The following INO80 variants were observed in gnomAD, a reference collection of about 807,000 sequenced individuals.
INO80 encodes chromatin-remodeling ATPase INO80.
A neutral mutation model predicts 203.4 loss-of-function variants in INO80; 20 were observed. The observed-to-expected ratio is 0.10, with a 90% confidence interval of 0.07 to 0.14. INO80 has a LOEUF of 0.14. Ranked by LOEUF, INO80 falls within the 10% of genes least tolerant of loss-of-function variation. INO80 has a pLI of 1.00. For missense variants in INO80, 1,419 were observed against 1,914.4 expected (o/e 0.74, Z 4.83); for synonymous variants, 726 against 685.2 (o/e 1.06, Z -0.93).
In INO80 at chr15:40,999,978, G is replaced by A. The variant is rs538306438; in HGVS notation, c.3498-2377C>T. Among the ~76,000 whole-genome samples, 4 of 152,224 alleles carry A rather than the reference G, an allele frequency of 2.6e-5. No individual in the cohort carries two copies. In the South Asian group the frequency reaches 8.3e-4, roughly 32 times the overall value. ...CCAGGCATGGTGGCACACACCTGTA[G>A]ACCCAGCTACCTGGGAGGCTGAGGC... On this transcript the variant is annotated intron_variant, in intron 28 of 35. Transcript: ENST00000648947.
chr15:41,058,862 G>C, intron 15 of INO80, 81 bp from the exon 16 acceptor site: 1 of 1,373,640 alleles, frequency 7.3e-7, no homozygotes, highest in South Asian at 1.3e-5. Flanking sequence ...TGTTTTTCTA[G>C]GGCCAAAATG....
intron 1 of INO80, among the ~76,000 whole-genome samples, chr15:41,106,250 G>A (rs146074038): frequency 1.3e-5 from 2 of 152,144 alleles, no homozygotes; most frequent in East Asian, 1.9e-4. Flanking sequence ...CACACGTGGT[G>A]GCGAGCACCT....
At chr15:41,091,155 C>G (rs1039299310) in intron 5 of INO80, among the ~76,000 whole-genome samples, 2 of 152,122 alleles carry the variant, frequency 1.3e-5, no homozygotes, top group Non-Finnish European at 2.9e-5. Context: ...AACTCCTGAC[C>G]TCAGGTGATT....
intron 28 of INO80, among the ~76,000 whole-genome samples, chr15:41,003,659 T>C (rs972292593): frequency 1.3e-5 from 2 of 152,124 alleles, no homozygotes; most frequent in African/African-American, 4.8e-5. Flanking sequence ...ATTTTTCAAA[T>C]TTTTCTCAAT....
intron 24 of INO80, among the ~76,000 whole-genome samples, chr15:41,037,922 G>T (rs562325275): frequency 1.3e-5 from 2 of 150,606 alleles, no homozygotes; most frequent in Admixed American, 6.6e-5. Flanking sequence ...TAGCCTGGGC[G>T]ACAGAGTAAG....
intron 25 of INO80, chr15:41,023,298 G>C (rs935312607): frequency 6.6e-6 from 3 of 455,848 alleles, no homozygotes; most frequent in Non-Finnish European, 1.3e-5. Flanking sequence ...TATCCCAGCA[G>C]ATCGTGGGTC....
At chr15:41,022,027 A>G (rs1333054030) in intron 25 of INO80, among the ~76,000 whole-genome samples, 1 of 152,264 alleles carries the variant, frequency 6.6e-6, no homozygotes, top group Non-Finnish European at 1.5e-5. Flanking sequence ...GCCCACGCTG[A>G]CAAATATGCT....
At chr15:41,038,707 G>C (rs558135191) in intron 24 of INO80, among the ~76,000 whole-genome samples, 2 of 152,008 alleles carry the variant, frequency 1.3e-5, no homozygotes, top group African/African-American at 4.8e-5. Flanking sequence ...CATTGCTATC[G>C]GGTCTTTAGT....
At chr15:41,034,562 T>C (rs991359759) in intron 24 of INO80, among the ~76,000 whole-genome samples, 12 of 152,132 alleles carry the variant, frequency 7.9e-5, no homozygotes, top group African/African-American at 2.9e-4. Context: ...ATACAACAAA[T>C]GAAGGCGTAG....
chr15:41,110,709 G>C (rs1421916743), intron 1 of INO80, among the ~76,000 whole-genome samples: 1 of 152,154 alleles, frequency 6.6e-6, no homozygotes, highest in Non-Finnish European at 1.5e-5. Context: ...GAGATTACAG[G>C]TGTGAGCTAC....
At chr15:40,995,590 C>T (rs1321979185) in intron 29 of INO80, among the ~76,000 whole-genome samples, 1 of 152,106 alleles carries the variant, frequency 6.6e-6, no homozygotes, top group Non-Finnish European at 1.5e-5. Context: ...GAGAAACTAA[C>T]AGAGTACCAG....
At chr15:41,074,696 G>T in intron 9 of INO80, 131 bp from the exon 10 acceptor site, 2 of 623,656 alleles carry the variant, frequency 3.2e-6, no homozygotes, top group South Asian at 2.4e-5. Flanking sequence ...AAACATCACT[G>T]ATAAACAATT....
chr15:41,100,655 A>G (rs1251984916), intron 1 of INO80, among the ~76,000 whole-genome samples: 2 of 152,160 alleles, frequency 1.3e-5, no homozygotes, highest in South Asian at 2.1e-4. Flanking sequence ...TCTCCACAAG[A>G]AGTCCTATGA....
At chr15:40,994,037 A>AC (rs1343572698) in intron 29 of INO80, among the ~76,000 whole-genome samples, 1 of 152,000 alleles carries the variant, frequency 6.6e-6, no homozygotes. Flanking sequence ...ATGGCTACTA[A>AC]CCCCTATATG....
At chr15:41,082,250 C>CAAAAA (rs60486605) in intron 7 of INO80, among the ~76,000 whole-genome samples, 2 of 54,694 alleles carry the variant, frequency 3.7e-5, no homozygotes, top group Admixed American at 2.1e-4. Flanking sequence ...AACTCCGTCT[C>CAAAAA]AAAAAAAAAA....
In INO80 at chr15:40,980,165, C is replaced by T. The variant is rs1004248708; in HGVS notation, c.*58G>A. On this transcript the variant is annotated 3_prime_UTR_variant, in exon 36 of 36. Coordinates refer to ENST00000648947, the MANE Select transcript of INO80 (RefSeq NM_017553.3). ...CACGGGGCAAGCCATCCAAAGACCA[C>T]TGGCAGGTCAGGACTCTAGCCCTGG... The T allele has an allele frequency of 5.0e-6, 7 of 1,394,626 alleles. No homozygotes were observed. Among genetic ancestry groups the T allele is most frequent in the African/African-American group, 4.3e-5 (3 of 70,348 alleles). The allele number at this position is 1,394,626 out of a possible 1,614,324, so 86.4% of individuals were successfully genotyped here. A position where few individuals can be genotyped will look rare whatever the true frequency, so the allele number is the denominator to read the frequency against.
At position 40,982,847 on chromosome 15, in the gene INO80, C is replaced by T. The variant is rs772623947; in HGVS notation, c.4453+15G>A. 18 of 1,600,996 alleles carry T rather than the reference C, an allele frequency of 1.1e-5. No individual in the cohort carries two copies. The highest frequency in any genetic ancestry group is 3.3e-5 in the Admixed American group (2 of 59,732). ...TGACCAGAACAAAGTCTGCAGCCAC[C>T]CTGGGCTTCTGTACCTTTAGACACG... On this transcript the variant is annotated intron_variant, in intron 35 of 35. Transcript: ENST00000648947.
At chr15:41,044,568 A>G (rs1196440194) in intron 24 of INO80, among the ~76,000 whole-genome samples, 1 of 152,182 alleles carries the variant, frequency 6.6e-6, no homozygotes, top group Non-Finnish European at 1.5e-5. Flanking sequence ...TAGAGCTACT[A>G]AACGGAAAGG....
chr15:40,980,442 T>C lies in INO80; in HGVS notation c.4454-2A>G, dbSNP rs748249111. Reference sequence around the variant, plus strand: ...GCAGAGGACTGCTGGCGGAGATTCCTGTGGGGACGGAGAGAGACAAGAACG... The same window carrying C: ...GCAGAGGACTGCTGGCGGAGATTCCCGTGGGGACGGAGAGAGACAAGAACG... On this transcript the variant is annotated splice_acceptor_variant, in intron 35 of 35. Coordinates refer to ENST00000648947, the MANE Select transcript of INO80 (RefSeq NM_017553.3). LOFTEE classifies it high-confidence loss of function. 2 of 1,610,964 alleles carry C rather than the reference T, an allele frequency of 1.2e-6. No homozygotes were observed. The highest frequency in any genetic ancestry group is 1.1e-5 in the South Asian group (1 of 90,704).
Sources: gnomAD v4.1 joint callset for allele counts (sites outside exome capture counted in the v4.1 genomes callset) on GRCh38, gnomAD v4.1.1 for gene constraint, MANE v1.5 for transcripts, NCBI Gene and HGNC (gene_info 2026-07-23, HGNC 2026-07-21) for gene names.